Variants in MAP7D3 observed in about 807,000 individuals in gnomAD.
MAP7D3 encodes the protein MAP7 domain containing 3.
In MAP7D3, 45 loss-of-function variants were observed where a neutral mutation model predicts 62.2. The ratio of observed to expected loss-of-function variants is 0.72; its 90% CI spans 0.57 to 0.93. The LOEUF (loss-of-function observed/expected upper bound fraction) is 0.93. Ranked by LOEUF, MAP7D3 falls within the 40% of genes least tolerant of loss-of-function variation. The pLI is 0.00. For missense variants in MAP7D3, 711 were observed against 683.1 expected, an observed-to-expected ratio of 1.04 and a Z score of -0.45; for synonymous variants, 288 against 248.8, an observed-to-expected ratio of 1.16 and a Z score of -1.48.
chrX:136,247,469 T>C (rs1302249167), intron 1 of MAP7D3, among the ~76,000 whole-genome samples: 1 of 111,410 alleles, frequency 9.0e-6, no homozygotes, highest in Non-Finnish European at 1.9e-5. Context: ...ACTGAGGGAA[T>C]AGAGGGGCTG....
rs189029638 is a variant in MAP7D3 at position 136,233,893 on chromosome X, A to G, written c.737-1673T>C. On this transcript the variant is annotated intron_variant, in intron 7 of 18. Transcript: ENST00000316077. ...CAGTTTGTGCTACAGAAAATATAGT[A>G]TGACTGGATTTGTATTAGCTATAAA... is the stretch of plus-strand genomic sequence containing the variant. 1.1e-3 allele frequency among the ~76,000 whole-genome samples: 128 copies of G among 111,599 alleles called. 1 individual carries two copies. Among genetic ancestry groups the G allele is most frequent in the African/African-American group, 3.9e-3 (121 of 30,788 alleles).
At chrX:136,237,550 T>A (rs193100828) in intron 6 of MAP7D3, among the ~76,000 whole-genome samples, 1 of 112,283 alleles carries the variant, frequency 8.9e-6, no homozygotes, top group East Asian at 2.8e-4. Context: ...ATAGCATTCA[T>A]CATTTCAGAG....
At chrX:136,225,755 G>T (rs1269453305) in intron 13 of MAP7D3, among the ~76,000 whole-genome samples, 154 bp downstream of exon 13, 1 of 112,075 alleles carries the variant, frequency 8.9e-6, no homozygotes, top group Non-Finnish European at 1.9e-5. Context: ...CTATGTAGGA[G>T]AAGTCAGATC....
chrX:136,219,375 A>T, intron 18 of MAP7D3, 23 bp downstream of exon 18: 1 of 959,463 alleles, frequency 1.0e-6, no homozygotes, highest in Non-Finnish European at 1.5e-6. Flanking sequence ...TTCAAGAAAA[A>T]GGTAGATGAG....
upstream of MAP7D3, among the ~76,000 whole-genome samples, chrX:136,255,364 A>C (rs1021304417): frequency 8.9e-6 from 1 of 112,962 alleles, no homozygotes; most frequent in African/African-American, 3.2e-5. Flanking sequence ...ATGCCTTTTA[A>C]TCTGTAGATA....
intron 4 of MAP7D3, among the ~76,000 whole-genome samples, chrX:136,242,459 GT>G (rs1287845617): frequency 3.8e-5 from 4 of 106,088 alleles, no homozygotes; most frequent in Non-Finnish European, 3.9e-5. Context: ...CTGAGTCTGG[GT>G]TTTTTTTTTC....
intron 7 of MAP7D3, among the ~76,000 whole-genome samples, chrX:136,234,039 A>G (rs2074302711): frequency 9.0e-6 from 1 of 111,506 alleles, no homozygotes; most frequent in Non-Finnish European, 1.9e-5. Context: ...GGCATAAAAA[A>G]GTCAGGAATT....
chrX:136,232,244 T>C, intron 7 of MAP7D3, 24 bp from the exon 8 acceptor site: 1 of 1,064,526 alleles, frequency 9.4e-7, no homozygotes, highest in Non-Finnish European at 1.3e-6. Flanking sequence ...GAGCATGAAA[T>C]TCCCTAAGTT....
rs759851653 is a variant in MAP7D3 at position 136,246,074 on chromosome X, G to C, written c.244C>G (p.Gln82Glu). The change falls in exon 3 of 19, where the codon CAG (glutamine) becomes GAG (glutamate). Residue 82 changes from glutamine (Q) to glutamate (E), a missense_variant. Physicochemically the swap from Gln to Glu is conservative, Grantham distance 29. Transcript: ENST00000316077. ...AAGGTCTAAAATATACCGTCTTGCT[G>C]TCTCCTTTTCTCCTCTCTGCGCTCT... The part of the protein sequence containing the change: ...ARERREEKRR[Q>E]QDANKETQLL... 1 of 1,193,742 alleles carries C rather than the reference G, an allele frequency of 8.4e-7. No individual in the cohort carries two copies. The highest frequency in any genetic ancestry group is 1.1e-6 in the Non-Finnish European group (1 of 883,144).
chrX:136,239,851 GCTA>G (rs2074368580), intron 6 of MAP7D3, among the ~76,000 whole-genome samples: 1 of 112,040 alleles, frequency 8.9e-6, no homozygotes, highest in African/African-American at 3.2e-5. Context: ...TTCAGTTTCA[GCTA>G]CTGAGGTCCA....
In MAP7D3 at chrX:136,231,920, G is replaced by C. The variant is rs761764817; in HGVS notation, c.1037C>G (p.Ser346Trp). 2 of 1,209,335 alleles carry C rather than the reference G, an allele frequency of 1.7e-6. No homozygotes were observed. The highest frequency in any genetic ancestry group is 3.5e-5 in the African/African-American group (2 of 56,917). ...AGAATCATATGTGCTCACCACAGGCGACACGTCCACGCTCACCACAGGGAA... is the reference window on the plus strand; with the variant it reads ...AGAATCATATGTGCTCACCACAGGCCACACGTCCACGCTCACCACAGGGAA... ...DSFPVVSVDV[S>W]PVVSTYDSEM... is the part of the protein sequence containing the mutation. Residue 346 changes from serine to tryptophan, a missense_variant, in exon 8 of 19, where the codon TCG becomes TGG. Coordinates refer to ENST00000316077, the MANE Select transcript of MAP7D3 (RefSeq NM_024597.4).
At chrX:136,229,990 TA>T (rs1364505143) in intron 10 of MAP7D3, among the ~76,000 whole-genome samples, 3,179 of 54,578 alleles carry the variant, frequency 0.058, 99 homozygotes, top group Non-Finnish European at 0.071. Context: ...TATATATATA[TA>T]TATTTTTTTT....
chrX:136,227,588 T>C (rs113399668), intron 11 of MAP7D3, among the ~76,000 whole-genome samples, 157 bp from the exon 12 acceptor site: 68 of 110,154 alleles, frequency 6.2e-4, no homozygotes, highest in African/African-American at 2.1e-3. Flanking sequence ...ATATAGGAAT[T>C]ACACAATTCC....
At chrX:136,251,531 G>A (rs1603285131), upstream of MAP7D3, 2 of 839,863 alleles carry the variant, frequency 2.4e-6, no homozygotes, top group East Asian at 1.4e-4. Flanking sequence ...GGGCAGGATT[G>A]CCCCTTGCGT....
At chrX:136,215,316 T>C (rs1384314298), downstream of MAP7D3, among the ~76,000 whole-genome samples, 1 of 111,690 alleles carries the variant, frequency 9.0e-6, no homozygotes, top group Non-Finnish European at 1.9e-5. Flanking sequence ...ATCACTTGCA[T>C]TGTTGCCTGA....
At chrX:136,239,515 G>A (rs1269509358) in intron 6 of MAP7D3, among the ~76,000 whole-genome samples, 1 of 111,948 alleles carries the variant, frequency 8.9e-6, no homozygotes, top group East Asian at 2.8e-4. Flanking sequence ...ATAAACCACA[G>A]AAAAGGATGT....
chrX:136,228,503 C>A, intron 11 of MAP7D3, 120 bp downstream of exon 11: 1 of 718,785 alleles, frequency 1.4e-6, no homozygotes, highest in Non-Finnish European at 2.0e-6. Flanking sequence ...CACTTCTGAT[C>A]CTCACTGAAG....
chrX:136,237,202 A>G (rs1310726788), intron 6 of MAP7D3, among the ~76,000 whole-genome samples: 1 of 112,260 alleles, frequency 8.9e-6, no homozygotes, highest in Non-Finnish European at 1.9e-5. Context: ...ACATGTTGAC[A>G]ACACAGTATC....
At chrX:136,226,443 T>C (rs748252291) in intron 12 of MAP7D3, among the ~76,000 whole-genome samples, 3 of 112,098 alleles carry the variant, frequency 2.7e-5, no homozygotes, top group Admixed American at 9.5e-5. Context: ...CACTAAAAAC[T>C]GGAAATATAA....
Sources: allele counts gnomAD v4.1 joint callset (sites outside exome capture counted in the v4.1 genomes callset), GRCh38; gene constraint gnomAD v4.1.1; transcripts MANE v1.5; gene names NCBI Gene and HGNC (gene_info 2026-07-23, HGNC 2026-07-21).